Variants in ACVR1B observed in about 807,000 individuals in gnomAD.
ACVR1B encodes the protein activin A receptor type 1B, also known as activin receptor type-1B.
Under a neutral mutation model 55.6 loss-of-function variants are expected in ACVR1B, and 15 were observed. The observed-to-expected ratio is 0.27, with a 90% CI of 0.18 to 0.42. ACVR1B has a LOEUF of 0.42. Among genes scored for constraint, ACVR1B ranks in the 10% least tolerant of loss-of-function variants. The probability of loss-of-function intolerance (pLI) is 1.00; values close to 1 mark genes in which losing one functional copy is unlikely to be tolerated. For missense variants in ACVR1B, 359 were observed against 670.1 expected (o/e 0.54, Z 5.13); for synonymous variants, 247 against 254.6 (o/e 0.97, Z 0.28).
At chr12:51,990,732 T>C (rs898008120) in intron 7 of ACVR1B, among the ~76,000 whole-genome samples, 6 of 152,234 alleles carry the variant, frequency 3.9e-5, no homozygotes, top group Admixed American at 3.9e-4. Flanking sequence ...AGTTGATGAA[T>C]ACACCTCCTA....
intron 1 of ACVR1B, among the ~76,000 whole-genome samples, chr12:51,954,669 A>C (rs1220300939): frequency 1.3e-5 from 2 of 152,316 alleles, no homozygotes; most frequent in East Asian, 3.9e-4. Flanking sequence ...TCAGCCCTAG[A>C]ACTTAGCTGC....
chr12:51,960,492 CA>C (rs1941498042), intron 1 of ACVR1B, among the ~76,000 whole-genome samples: 1 of 152,038 alleles, frequency 6.6e-6, no homozygotes, highest in African/African-American at 2.4e-5. Flanking sequence ...ATGAGGAGTT[CA>C]GGTGACAATT....
chr12:51,991,711 T>G, intron 7 of ACVR1B, 152 bp from the exon 8 acceptor site: 1 of 862,222 alleles, frequency 1.2e-6, no homozygotes. Flanking sequence ...CCCTTTTGTG[T>G]ATTTCTTGTT....
chr12:51,972,994 G>A (rs1005865218), intron 1 of ACVR1B, among the ~76,000 whole-genome samples: 3 of 152,090 alleles, frequency 2.0e-5, no homozygotes, highest in African/African-American at 4.8e-5. Flanking sequence ...CCCCAGTTCC[G>A]TTCTTCGTCC....
intron 1 of ACVR1B, among the ~76,000 whole-genome samples, chr12:51,962,923 T>C (rs1255546958): frequency 1.3e-5 from 2 of 152,192 alleles, no homozygotes; most frequent in Non-Finnish European, 2.9e-5. Flanking sequence ...CTGTACTAGA[T>C]ACCAGTGAGA....
chr12:51,992,527 C>T lies in ACVR1B; in HGVS notation c.1392+534C>T, dbSNP rs114325506. On this transcript the variant is annotated intron_variant, in intron 8 of 8. Coordinates refer to ENST00000257963, the MANE Select transcript of ACVR1B (RefSeq NM_004302.5). ...TAAAAGAAAAAGGACAAGGCTTTGT[C>T]TCCAAGACACAGATGAGGGAGGTGG... Among the ~76,000 whole-genome samples, 1,343 of 152,230 alleles carry T rather than the reference C, an allele frequency of 8.8e-3. 24 individuals carry two copies. Among genetic ancestry groups the T allele is most frequent in the African/African-American group, 0.026 (1,100 of 41,542 alleles).
chr12:51,967,961 G>A (rs970950710), intron 1 of ACVR1B, among the ~76,000 whole-genome samples: 7 of 152,222 alleles, frequency 4.6e-5, no homozygotes, highest in Non-Finnish European at 8.8e-5. Flanking sequence ...CTGGCTGGGC[G>A]CGGTGGCTCA....
intron 1 of ACVR1B, among the ~76,000 whole-genome samples, chr12:51,969,920 A>T (rs1488802706): frequency 6.6e-6 from 1 of 152,140 alleles, no homozygotes; most frequent in Non-Finnish European, 1.5e-5. Context: ...AAAAAGTCTT[A>T]AAAAATAAAG....
At chr12:51,989,527 C>T (rs1044339567) in intron 7 of ACVR1B, among the ~76,000 whole-genome samples, 1 of 152,040 alleles carries the variant, frequency 6.6e-6, no homozygotes, top group African/African-American at 2.4e-5. Context: ...TCAGGTGGTC[C>T]ACCTGCCTTA....
intron 1 of ACVR1B, among the ~76,000 whole-genome samples, chr12:51,964,930 G>T (rs1365123392): frequency 6.6e-6 from 1 of 151,288 alleles, no homozygotes; most frequent in Non-Finnish European, 1.5e-5. Flanking sequence ...AGATTGTTTG[G>T]ACTATTCAGG....
rs998207478 is a variant in ACVR1B, at chr12:51,996,571, C to G, written c.*2461C>G. ...AATGATGGAACTTAGACTCCTCTTC[C>G]CAGAGTCACAAGTAGCCTCTGGGAT... On this transcript the variant is annotated 3_prime_UTR_variant, in exon 9 of 9. Transcript: ENST00000257963. The G allele has an allele frequency of 1.3e-5, 2 of 152,634 alleles. No homozygotes were observed. Among genetic ancestry groups the G allele is most frequent in the Non-Finnish European group, 2.9e-5 (2 of 68,052 alleles). 9.5% of individuals were successfully genotyped at this position (152,634 alleles called of 1,614,324 possible).
At chr12:51,962,312 A>T (rs971097339) in intron 1 of ACVR1B, among the ~76,000 whole-genome samples, 1 of 151,726 alleles carries the variant, frequency 6.6e-6, no homozygotes, top group Non-Finnish European at 1.5e-5. Context: ...AGCTTCCTTT[A>T]TTAAGTCAGT....
chr12:51,988,226 T>G (rs747324881), intron 7 of ACVR1B, among the ~76,000 whole-genome samples: 21 of 152,168 alleles, frequency 1.4e-4, no homozygotes, highest in Non-Finnish European at 2.6e-4. Context: ...TCCCCAGCAC[T>G]TTGGGAGGCC....
intron 1 of ACVR1B, among the ~76,000 whole-genome samples, chr12:51,961,886 A>C (rs369684758): frequency 6.6e-6 from 1 of 152,094 alleles, no homozygotes. Flanking sequence ...CATTGGACAC[A>C]CTCCCTCATA....
At chr12:51,982,558 T>C in intron 4 of ACVR1B, 2 of 1,072,704 alleles carry the variant, frequency 1.9e-6, no homozygotes, top group South Asian at 2.2e-5. Context: ...GAGTGGCTGG[T>C]TCACATTGTG....
At chr12:51,985,680 T>C (rs1942063266) in intron 6 of ACVR1B, among the ~76,000 whole-genome samples, 1 of 152,160 alleles carries the variant, frequency 6.6e-6, no homozygotes. Context: ...GGGAAAACAC[T>C]GTCATCTCCT....
intron 1 of ACVR1B, among the ~76,000 whole-genome samples, chr12:51,968,486 G>A (rs1941684372): frequency 5.9e-5 from 9 of 152,184 alleles, no homozygotes; most frequent in Non-Finnish European, 1.5e-5. Context: ...CTAAATGACT[G>A]CAACTATATT....
chr12:51,952,496 G>A (rs1399132882), intron 1 of ACVR1B, among the ~76,000 whole-genome samples: 1 of 152,148 alleles, frequency 6.6e-6, no homozygotes, highest in Non-Finnish European at 1.5e-5. Flanking sequence ...CGGCACTCAT[G>A]CCCCGTGGAG....
chr12:51,963,482 C>G (rs528122781), intron 1 of ACVR1B, among the ~76,000 whole-genome samples: 1 of 152,206 alleles, frequency 6.6e-6, no homozygotes, highest in Non-Finnish European at 1.5e-5. Context: ...AAGTGATCCA[C>G]CCACCTCGGC....
Sources: allele counts gnomAD v4.1 joint callset (sites outside exome capture counted in the v4.1 genomes callset), GRCh38; gene constraint gnomAD v4.1.1; transcripts MANE v1.5; gene names NCBI Gene and HGNC (gene_info 2026-07-23, HGNC 2026-07-21).